DENND5A: variants seen among roughly 807,000 people sequenced by gnomAD.
DENND5A encodes DENN domain-containing protein 5A.
In DENND5A, 64 loss-of-function variants were observed where a neutral mutation model predicts 140.3. The observed-to-expected ratio is 0.46, with a 90% CI of 0.37 to 0.56. The LOEUF is 0.56. Ranked by LOEUF, DENND5A falls within the 20% of genes least tolerant of loss-of-function variation. The pLI, the probability that DENND5A is intolerant of heterozygous loss-of-function variation, is 0.00. For synonymous variants in DENND5A, 605 were observed against 607.7 expected, an observed-to-expected ratio of 1.00 and a Z score of 0.07; for missense variants, 1,292 against 1,593.8, an observed-to-expected ratio of 0.81 and a Z score of 3.22.
chr11:9,231,063 A>G (rs909668054), intron 1 of DENND5A, among the ~76,000 whole-genome samples: 1 of 152,202 alleles, frequency 6.6e-6, no homozygotes, highest in Non-Finnish European at 1.5e-5. Context: ...GAGTTAACAT[A>G]TGTAAAGCAT....
chr11:9,197,013 T>C (rs982046302), intron 4 of DENND5A, among the ~76,000 whole-genome samples: 4 of 151,568 alleles, frequency 2.6e-5, no homozygotes, highest in African/African-American at 9.7e-5. Context: ...ACATAAAAAA[T>C]AGTACATTAG....
chr11:9,212,765 T>C (rs1208979060), intron 1 of DENND5A, among the ~76,000 whole-genome samples: 2 of 152,138 alleles, frequency 1.3e-5, no homozygotes, highest in African/African-American at 4.8e-5. Context: ...AGTAGACCTG[T>C]ACAGGAATGA....
chr11:9,187,418 T>C (rs1250480113), intron 5 of DENND5A, among the ~76,000 whole-genome samples: 1 of 152,062 alleles, frequency 6.6e-6, no homozygotes, highest in African/African-American at 2.4e-5. Context: ...TGCTCTGAGG[T>C]AGTGATCACA....
At chr11:9,226,509 GT>G (rs575993679) in intron 1 of DENND5A, among the ~76,000 whole-genome samples, 82 of 152,110 alleles carry the variant, frequency 5.4e-4, no homozygotes, top group Non-Finnish European at 9.3e-4. Flanking sequence ...TTTTGTTTTT[GT>G]TTTTGTTTTT....
Position 9,212,683 on chromosome 11 carries a change from C to A in DENND5A, c.110-5051G>T, listed in dbSNP as rs527698265. ...TCTGTCAAACCCAGAATTTTATGAA[C>A]AGAAAAAATATCCTTCAAAAATGAG... On this transcript the variant is annotated intron_variant, in intron 1 of 22. Coordinates refer to ENST00000328194, the MANE Select transcript of DENND5A (RefSeq NM_015213.4). Among the ~76,000 whole-genome samples the A allele has an allele frequency of 3.5e-3, 533 of 151,486 alleles. 3 individuals are homozygous for A. Among genetic ancestry groups the A allele is most frequent in the Non-Finnish European group, 5.7e-3 (385 of 67,810 alleles).
intron 1 of DENND5A, among the ~76,000 whole-genome samples, chr11:9,244,932 C>T (rs1365477894): frequency 1.3e-5 from 2 of 151,900 alleles, no homozygotes; most frequent in African/African-American, 4.8e-5. Context: ...CCTCCTTGGC[C>T]TCCGAAAGTG....
chr11:9,177,850 T>C (rs1848597562), intron 8 of DENND5A: 1 of 302,086 alleles, frequency 3.3e-6, no homozygotes, highest in South Asian at 6.2e-5. Context: ...CAACCACCAA[T>C]TGTGTACTTC....
At chr11:9,150,562 C>A in intron 14 of DENND5A, 118 bp downstream of exon 14, 2 of 688,426 alleles carry the variant, frequency 2.9e-6, no homozygotes. Context: ...ATTAGGAGGG[C>A]TTCCATGTTA....
At chr11:9,152,489 G>A (rs1847652431) in intron 12 of DENND5A, 47 bp from the exon 13 acceptor site, 1 of 1,348,338 alleles carries the variant, frequency 7.4e-7, no homozygotes, top group South Asian at 1.2e-5. Flanking sequence ...AGATTTCAGG[G>A]GTCAAGGCTT....
At chr11:9,210,233 A>G (rs1172738723) in intron 1 of DENND5A, among the ~76,000 whole-genome samples, 2 of 152,216 alleles carry the variant, frequency 1.3e-5, no homozygotes, top group Non-Finnish European at 2.9e-5. Flanking sequence ...GGAAATTCAA[A>G]CAATATTAGG....
At chr11:9,189,438 T>C (rs773629321) in intron 5 of DENND5A, among the ~76,000 whole-genome samples, 4 of 152,064 alleles carry the variant, frequency 2.6e-5, no homozygotes, top group Non-Finnish European at 5.9e-5. Context: ...AAAGCCATCA[T>C]CCTTCAGACC....
rs768604681 is a variant in DENND5A, at chr11:9,164,056, G to GTTTTTTTTTTTTTT, written c.2283+1766_2283+1779dup. Among the ~76,000 whole-genome samples, 4 of 57,956 alleles carry GTTTTTTTTTTTTTT rather than the reference G, an allele frequency of 6.9e-5. 1 individual carries two copies. Among genetic ancestry groups the GTTTTTTTTTTTTTT allele is most frequent in the African/African-American group, 1.9e-4 (3 of 15,584 alleles). The allele number at this position is 57,956 out of a possible 152,430, so 38.0% of individuals were successfully genotyped here. Reference sequence around the variant, plus strand: ...ATATCAGTACTGATATATTAATCAGGTTTTTTTTTTTTTTTTTTTTTTTTT... The same window carrying GTTTTTTTTTTTTTT: ...ATATCAGTACTGATATATTAATCAGGTTTTTTTTTTTTTTTTTTTTTTTTTTTTTTTTTTTTTTT... On this transcript the variant is annotated intron_variant, in intron 11 of 22. Coordinates refer to ENST00000328194, the MANE Select transcript of DENND5A (RefSeq NM_015213.4).
chr11:9,201,214 A>AT (rs904005591), intron 4 of DENND5A, among the ~76,000 whole-genome samples: 4 of 151,332 alleles, frequency 2.6e-5, no homozygotes, highest in South Asian at 2.1e-4. Flanking sequence ...AAAAAAAAAA[A>AT]TTTTTTTTTA....
intron 1 of DENND5A, among the ~76,000 whole-genome samples, chr11:9,210,180 T>C (rs1849828057): frequency 6.6e-6 from 1 of 152,114 alleles, no homozygotes; most frequent in South Asian, 2.1e-4. Flanking sequence ...TCCTGAAACC[T>C]GTGTATCACA....
At chr11:9,169,206 C>T (rs1489038837) in intron 10 of DENND5A, among the ~76,000 whole-genome samples, 6 of 152,096 alleles carry the variant, frequency 3.9e-5, no homozygotes, top group African/African-American at 1.4e-4. Context: ...CAGCACTTTG[C>T]GGGGATGAGG....
At position 9,178,257 on chromosome 11, in the gene DENND5A, T is replaced by C; in HGVS notation, c.1781A>G (p.Asp594Gly). ...CCGGAGTACAGGGTCTTTATCATCA[T>C]CATCATGACACATTATTTTGTTGTC... is the stretch of plus-strand genomic sequence containing the variant. ...FIDNKIMCHD[D>G]DDKDPVLRVF... The change falls in exon 8 of 23, where the codon GAT becomes GGT. Residue 594 changes from aspartate to glycine, a missense_variant. This residue lies in a region of DENND5A where 199 missense variants were observed against 189.1 expected (regional missense o/e 1.05). Coordinates refer to ENST00000328194, the MANE Select transcript of DENND5A (RefSeq NM_015213.4). The C allele has an allele frequency of 1.2e-6, 2 of 1,613,992 alleles. No individual in the cohort carries two copies. The highest frequency in any genetic ancestry group is 1.7e-5 in the Admixed American group (1 of 60,006).
chr11:9,158,121 G>T (rs1289468691), intron 12 of DENND5A, among the ~76,000 whole-genome samples: 2 of 152,186 alleles, frequency 1.3e-5, no homozygotes, highest in Non-Finnish European at 2.9e-5. Context: ...CTATACAACA[G>T]ATGTAGTCAT....
At chr11:9,237,607 G>C (rs1851055878) in intron 1 of DENND5A, among the ~76,000 whole-genome samples, 1 of 152,174 alleles carries the variant, frequency 6.6e-6, no homozygotes. Flanking sequence ...TCTTGGGCCA[G>C]GTGCAGTGTG....
Position 9,145,653 on chromosome 11 carries a change from C to T in DENND5A, c.3003+17G>A, listed in dbSNP as rs752790460. ...AACTCAGATCCCCACAGAGCTGTGG[C>T]CCCAAATAACACATACCTCGAAGGT... On this transcript the variant is annotated intron_variant, in intron 17 of 22. Transcript: ENST00000328194. 11 of 1,613,784 alleles carry T rather than the reference C, an allele frequency of 6.8e-6. No homozygotes were observed. The highest frequency in any genetic ancestry group is 2.2e-5 in the East Asian group (1 of 44,882).
Sources: gnomAD v4.1 joint callset for allele counts (sites outside exome capture counted in the v4.1 genomes callset) on GRCh38, gnomAD v4.1.1 for gene constraint, gnomAD v4.1.1 regional missense constraint, MANE v1.5 for transcripts, NCBI Gene and HGNC (gene_info 2026-07-23, HGNC 2026-07-21) for gene names.